Variants in CSDE1 observed in about 807,000 individuals in gnomAD.
CSDE1 encodes the protein cold shock domain-containing protein E1.
A neutral mutation model predicts 89.3 loss-of-function variants in CSDE1; 17 were observed. The observed-to-expected ratio is 0.19, with a 90% CI of 0.13 to 0.29. CSDE1 has a LOEUF of 0.29. Among genes scored for constraint, CSDE1 ranks in the 10% least tolerant of loss-of-function variants. CSDE1 has a pLI of 1.00. For synonymous variants in CSDE1, 322 were observed against 332.8 expected (o/e 0.97, Z 0.35); for missense variants, 672 against 984.2 (o/e 0.68, Z 4.24).
intron 9 of CSDE1, 145 bp from the exon 10 acceptor site, chr1:114,732,961 G>A (rs1271910746): frequency 1.5e-6 from 1 of 667,156 alleles, no homozygotes; most frequent in African/African-American, 1.8e-5. Flanking sequence ...TAAGTCCAAT[G>A]TGAAAGCTTC....
chr1:114,751,228 G>T (rs1661291490), intron 1 of CSDE1, among the ~76,000 whole-genome samples: 1 of 152,220 alleles, frequency 6.6e-6, no homozygotes, highest in South Asian at 2.1e-4. Context: ...TTATTTATCA[G>T]TAAAAATCAC....
chr1:114,734,769 T>C (rs112504176), intron 6 of CSDE1, among the ~76,000 whole-genome samples: 15 of 152,288 alleles, frequency 9.8e-5, no homozygotes, highest in African/African-American at 2.9e-4. Flanking sequence ...GGGACTGTTG[T>C]TGGAAGATTT....
intron 2 of CSDE1, chr1:114,741,611 A>G: frequency 6.5e-7 from 1 of 1,549,118 alleles, no homozygotes; most frequent in Non-Finnish European, 8.7e-7. Flanking sequence ...AAAGTGAAGG[A>G]GGGGCTGCAG....
In CSDE1 at chr1:114,732,750, T is replaced by C; in HGVS notation, c.904A>G (p.Lys302Glu). The part of the protein sequence containing the change: ...VIPKELPFGD[K>E]DTKSKVTLLE... Reference sequence around the variant, plus strand: ...AGGGTCACCTTGGATTTCGTATCTTTGTCTCCAAAGGGAAGTTCTTTAGGG... The same window carrying C: ...AGGGTCACCTTGGATTTCGTATCTTCGTCTCCAAAGGGAAGTTCTTTAGGG... The change falls in exon 10 of 20, where the codon AAA (lysine) becomes GAA (glutamate). Residue 302 changes from lysine to glutamate, a missense_variant. Physicochemically the swap from Lys to Glu is moderately conservative, Grantham distance 56. Around this residue, in one of 8 missense-constraint regions of CSDE1, gnomAD observed 169 missense variants for 262.9 expected, o/e 0.64. Transcript: ENST00000358528. The C allele has an allele frequency of 6.2e-7, 1 of 1,614,216 alleles. No individual in the cohort carries two copies. Among genetic ancestry groups the C allele is most frequent in the Non-Finnish European group, 8.5e-7 (1 of 1,180,026 alleles).
chr1:114,743,790 CAA>C (rs1446915356), intron 2 of CSDE1, among the ~76,000 whole-genome samples: 2 of 152,174 alleles, frequency 1.3e-5, no homozygotes, highest in African/African-American at 4.8e-5. Context: ...AGACACATAC[CAA>C]AAGAGTTGAA....
rs1186755731 is a variant in CSDE1 at position 114,732,588 on chromosome 1, A to C, written c.1050+16T>G. ...TTCGCATATTAGATACATATCCAGT[A>C]ATATCCAACACTTACCATTTCTCGG... On this transcript the variant is annotated intron_variant, in intron 10 of 19. Transcript: ENST00000358528. 1 of 1,608,748 alleles carries C rather than the reference A, an allele frequency of 6.2e-7. No homozygotes were observed. Among genetic ancestry groups the C allele is most frequent in the Non-Finnish European group, 8.5e-7 (1 of 1,175,198 alleles).
chr1:114,734,454 A>G lies in CSDE1; in HGVS notation c.570T>C (p.Val190=). The change falls in exon 7 of 20, where the codon GTT becomes GTC. Residue 190 remains valine (V), a synonymous_variant. Transcript: ENST00000358528. ...KKKQARCQGV[V]CAMKEAFGFI... is the part of the protein sequence containing the mutation. The stretch of plus-strand genomic sequence containing the variant: ...ATTTAACACTTACCTTCATGGCACA[A>G]ACTACTCCCTGACAGCGGGCTTGTT... The G allele has an allele frequency of 1.2e-6, 2 of 1,613,184 alleles. No individual in the cohort carries two copies. The highest frequency in any genetic ancestry group is 1.3e-5 in the African/African-American group (1 of 74,962).
intron 16 of CSDE1, 82 bp downstream of exon 16, chr1:114,723,801 T>C (rs1570896780): frequency 1.9e-6 from 3 of 1,584,138 alleles, no homozygotes; most frequent in Non-Finnish European, 2.6e-6. Context: ...ACAACTGCAA[T>C]AAGCACCATA....
At position 114,750,918 on chromosome 1, in the gene CSDE1, T is replaced by G. The variant is rs1180286179; in HGVS notation, c.-387-711A>C. On this transcript the variant is annotated intron_variant, in intron 1 of 19. Transcript: ENST00000358528. The stretch of plus-strand genomic sequence containing the variant: ...CTAAGCCCAGCATCAAGTGAAGTCT[T>G]CTGCATGAATGCCTGTGGCAACATG... Among the ~76,000 whole-genome samples the G allele has an allele frequency of 2.6e-5, 4 of 152,224 alleles. No homozygotes were observed. In the East Asian group the frequency reaches 7.7e-4, roughly 29 times the overall value.
In CSDE1 at chr1:114,727,144, A is replaced by T; in HGVS notation, c.1357-54T>A. ...AAAACAATCTCAAGAACAAAAACCA[A>T]TAAAAACAACTATAGTTCTTACATA... On this transcript the variant is annotated intron_variant, in intron 12 of 19. Coordinates refer to ENST00000358528, the MANE Select transcript of CSDE1 (RefSeq NM_001007553.3). The T allele has an allele frequency of 2.4e-6, 3 of 1,257,854 alleles. No homozygotes were observed. The Admixed American group carries it at 5.1e-5, about 22-fold the overall frequency. 77.9% of individuals were successfully genotyped at this position (1,257,854 alleles called of 1,614,324 possible).
At chr1:114,723,487 GA>G (rs5777204) in intron 16 of CSDE1, among the ~76,000 whole-genome samples, 164 of 151,966 alleles carry the variant, frequency 1.1e-3, no homozygotes, top group African/African-American at 2.7e-3. Flanking sequence ...GTGTAGGGGG[GA>G]AAAAAACAGT....
At position 114,732,580 on chromosome 1, in the gene CSDE1, T is replaced by C. The variant is rs762035660; in HGVS notation, c.1050+24A>G. On this transcript the variant is annotated intron_variant, in intron 10 of 19. Coordinates refer to ENST00000358528, the MANE Select transcript of CSDE1 (RefSeq NM_001007553.3). ...CATTGGCTTTCGCATATTAGATACATATCCAGTAATATCCAACACTTACCA... is the reference window on the plus strand; with the variant it reads ...CATTGGCTTTCGCATATTAGATACACATCCAGTAATATCCAACACTTACCA... The C allele has an allele frequency of 4.4e-6, 7 of 1,600,928 alleles. No individual in the cohort carries two copies. In the East Asian group the frequency reaches 8.9e-5, roughly 20 times the overall value.
At chr1:114,739,527 T>G (rs1318925955) in intron 3 of CSDE1, among the ~76,000 whole-genome samples, 165 bp downstream of exon 3, 1 of 152,244 alleles carries the variant, frequency 6.6e-6, no homozygotes, top group Admixed American at 6.5e-5. Context: ...ATATAATCTT[T>G]CAAGGATTCT....
chr1:114,734,354 A>G, intron 7 of CSDE1, 88 bp downstream of exon 7: 1 of 1,288,456 alleles, frequency 7.8e-7, no homozygotes, highest in Non-Finnish European at 1.1e-6. Context: ...GTAAGATAAA[A>G]AAGAAAAAAA....
At chr1:114,739,556 T>C (rs2101056529) in intron 3 of CSDE1, 136 bp downstream of exon 3, 1 of 669,872 alleles carries the variant, frequency 1.5e-6, no homozygotes, top group East Asian at 2.5e-5. Flanking sequence ...ATACAGATAT[T>C]CTTCACTAAA....
chr1:114,750,777 A>C (rs901881657), intron 1 of CSDE1, among the ~76,000 whole-genome samples: 6 of 152,246 alleles, frequency 3.9e-5, no homozygotes, highest in African/African-American at 1.4e-4. Context: ...AATCAGGCAG[A>C]ATTCTAGGAG....
chr1:114,757,792 G>A (rs551242153), intron 1 of CSDE1, 133 bp downstream of exon 1: 1 of 152,946 alleles, frequency 6.5e-6, no homozygotes, highest in South Asian at 2.1e-4. Context: ...GGGAATCGGG[G>A]TGCATTCTTC....
intron 17 of CSDE1, 47 bp from the exon 18 acceptor site, chr1:114,719,789 C>T: frequency 1.9e-6 from 3 of 1,561,954 alleles, no homozygotes; most frequent in Non-Finnish European, 2.6e-6. Flanking sequence ...CCACACCTCA[C>T]TCTGAATGAA....
chr1:114,719,231 C>T (rs1471843409), intron 18 of CSDE1, among the ~76,000 whole-genome samples: 1 of 152,114 alleles, frequency 6.6e-6, no homozygotes, highest in Non-Finnish European at 1.5e-5. Context: ...ATTGCTTAGG[C>T]CCAGGGGGTT....
Sources: gnomAD v4.1 joint callset for allele counts (sites outside exome capture counted in the v4.1 genomes callset) on GRCh38, gnomAD v4.1.1 for gene constraint, gnomAD v4.1.1 regional missense constraint, MANE v1.5 for transcripts, NCBI Gene and HGNC (gene_info 2026-07-23, HGNC 2026-07-21) for gene names.